The following VPS37A variants were observed in gnomAD, a reference collection of about 807,000 sequenced individuals.
VPS37A encodes the protein vacuolar protein sorting-associated protein 37A.
Under a neutral mutation model 49.8 loss-of-function variants are expected in VPS37A, and 30 were observed. That is an observed-to-expected ratio of 0.60 (90% confidence interval 0.45 to 0.82). VPS37A has a LOEUF of 0.82. Ranked by LOEUF, VPS37A falls within the 40% of genes least tolerant of loss-of-function variation. VPS37A has a pLI of 0.00. For missense variants in VPS37A, 593 were observed against 464.4 expected (o/e 1.28, Z -2.55); for synonymous variants, 195 against 160.6 (o/e 1.21, Z -1.62).
chr8:17,265,952 C>G lies in VPS37A; in HGVS notation c.171C>G (p.Thr57=). The part of the protein sequence containing the change: ...QKDVEYRLPF[T]INNLTININI... ...ATGTGGAATACAGATTGCCATTCAC[C>G]ATAAACAACCTGACAATTAACATTA... Residue 57 remains threonine, a synonymous_variant, in exon 2 of 12, where the codon ACC becomes ACG. Coordinates refer to ENST00000324849, the MANE Select transcript of VPS37A (RefSeq NM_152415.3). The G allele has an allele frequency of 2.5e-6, 4 of 1,613,084 alleles. No individual in the cohort carries two copies. The highest frequency in any genetic ancestry group is 3.4e-6 in the Non-Finnish European group (4 of 1,179,600).
intron 4 of VPS37A, among the ~76,000 whole-genome samples, chr8:17,273,588 G>T (rs910063782): frequency 1.3e-5 from 2 of 151,982 alleles, no homozygotes; most frequent in East Asian, 1.9e-4. Flanking sequence ...GGATGGTCTC[G>T]ATCCCCTGAC....
chr8:17,292,833 C>G (rs1246692198), intron 11 of VPS37A, among the ~76,000 whole-genome samples: 1 of 152,248 alleles, frequency 6.6e-6, no homozygotes, highest in African/African-American at 2.4e-5. Flanking sequence ...CACTGTTAGT[C>G]TGATGGGCTT....
intron 1 of VPS37A, chr8:17,247,704 T>G: frequency 1.4e-6 from 1 of 702,724 alleles, no homozygotes; most frequent in East Asian, 2.7e-5. Context: ...GATCTTTCCC[T>G]TTGCCCACCT....
At chr8:17,332,866 G>A in the VPS37A span, among the ~76,000 whole-genome samples, 1 of 152,130 alleles carries the variant, frequency 6.6e-6, no homozygotes, top group Non-Finnish European at 1.5e-5. Context: ...GAATAAAAAT[G>A]TATAGAAAAC....
chr8:17,309,377 G>A, the VPS37A span: 1 of 1,220,642 alleles, frequency 8.2e-7, no homozygotes, highest in Non-Finnish European at 1.2e-6. Context: ...CGAAAAATAA[G>A]AGACCACACA....
the VPS37A span, chr8:17,313,225 G>T: frequency 8.5e-7 from 1 of 1,179,902 alleles, no homozygotes; most frequent in Non-Finnish European, 1.3e-6. Context: ...ATGGCAGAGG[G>T]ATACCCATTT....
At chr8:17,292,862 A>T (rs894613533) in intron 11 of VPS37A, among the ~76,000 whole-genome samples, 1 of 152,194 alleles carries the variant, frequency 6.6e-6, no homozygotes, top group African/African-American at 2.4e-5. Flanking sequence ...GGGTAACCCA[A>T]CCTTTTTCTC....
intron 6 of VPS37A, among the ~76,000 whole-genome samples, chr8:17,278,917 A>G (rs998525325): frequency 3.3e-5 from 5 of 152,070 alleles, no homozygotes; most frequent in Non-Finnish European, 7.4e-5. Flanking sequence ...ATGGCTCCAT[A>G]GTCAAAACTA....
chr8:17,302,213 G>C (rs770060065), downstream of VPS37A: 30 of 1,613,954 alleles, frequency 1.9e-5, no homozygotes, highest in East Asian at 2.2e-5. Context: ...ACTGCCATTA[G>C]GTAATCTGTA....
chr8:17,265,901 C>G lies in VPS37A; in HGVS notation c.126-6C>G, dbSNP rs200750108. ...TGGGTAAATTTTTTAAAATTTTCTC[C>G]TGCAGTATAGCCGAAATACAGAAAG... On this transcript the variant is annotated splice_polypyrimidine_tract_variant and splice_region_variant and intron_variant, in intron 1 of 11. Transcript: ENST00000324849. 6.2e-7 allele frequency: 1 copy of G among 1,613,136 alleles called. No homozygotes were observed. Among genetic ancestry groups the G allele is most frequent in the Non-Finnish European group, 8.5e-7 (1 of 1,179,610 alleles).
At chr8:17,315,391 C>T in the VPS37A span, among the ~76,000 whole-genome samples, 24,618 of 138,346 alleles carry the variant, frequency 0.18, 2,644 homozygotes, top group Non-Finnish European at 0.25. Context: ...CAGAAAACTA[C>T]GACAGTGGTT....
intron 2 of VPS37A, among the ~76,000 whole-genome samples, chr8:17,266,405 G>C (rs1457218831): frequency 1.3e-5 from 2 of 152,184 alleles, no homozygotes; most frequent in African/African-American, 4.8e-5. Flanking sequence ...TTCAAGATTA[G>C]ATTTGATTTG....
chr8:17,311,444 T>G, the VPS37A span: 1 of 1,602,184 alleles, frequency 6.2e-7, no homozygotes, highest in Non-Finnish European at 8.5e-7. Flanking sequence ...TGCCAGTAGT[T>G]GTAAAAACAG....
intron 2 of VPS37A, 99 bp downstream of exon 2, chr8:17,266,080 T>G: frequency 2.0e-6 from 2 of 1,005,044 alleles, no homozygotes; most frequent in Non-Finnish European, 2.9e-6. Context: ...TGAACTTATT[T>G]CAAGTAACTA....
chr8:17,332,748 C>A, the VPS37A span, among the ~76,000 whole-genome samples: 118 of 152,214 alleles, frequency 7.8e-4, no homozygotes, highest in African/African-American at 2.6e-3. Flanking sequence ...TGGCATTGGC[C>A]CATGACAAGT....
intron 4 of VPS37A, among the ~76,000 whole-genome samples, chr8:17,270,077 G>A (rs1813832665): frequency 6.6e-6 from 1 of 152,116 alleles, no homozygotes; most frequent in Admixed American, 6.5e-5. Flanking sequence ...TAAACAGTCA[G>A]ATCTCATGAG....
chr8:17,331,795 C>T, the VPS37A span, among the ~76,000 whole-genome samples: 1 of 152,160 alleles, frequency 6.6e-6, no homozygotes, highest in South Asian at 2.1e-4. Flanking sequence ...CCCAGTTAAA[C>T]CTTGAGCAGG....
rs1327628389 is a variant in VPS37A at position 17,256,705 on chromosome 8, T to G, written c.126-9202T>G. 2.0e-5 allele frequency among the ~76,000 whole-genome samples: 3 copies of G among 151,748 alleles called. No individual in the cohort carries two copies. The East Asian group carries it at 5.8e-4, about 29-fold the overall frequency. ...TTCACTTTTGTTGCTCAGGCTGGAGTGCAATGGCACTGTCTCGGCTCACCA... is the reference window on the plus strand; with the variant it reads ...TTCACTTTTGTTGCTCAGGCTGGAGGGCAATGGCACTGTCTCGGCTCACCA... On this transcript the variant is annotated intron_variant, in intron 1 of 11. Coordinates refer to ENST00000324849, the MANE Select transcript of VPS37A (RefSeq NM_152415.3).
chr8:17,303,956 G>C (rs1042734393), downstream of VPS37A, among the ~76,000 whole-genome samples: 1 of 152,118 alleles, frequency 6.6e-6, no homozygotes, highest in African/African-American at 2.4e-5. Context: ...TATTACGTTG[G>C]TGCAAAAGTA....
Sources: gnomAD v4.1 joint callset for allele counts (sites outside exome capture counted in the v4.1 genomes callset) on GRCh38, gnomAD v4.1.1 for gene constraint, MANE v1.5 for transcripts, NCBI Gene and HGNC (gene_info 2026-07-23, HGNC 2026-07-21) for gene names.